LNX1: variants seen among roughly 807,000 people sequenced by gnomAD.
LNX1 encodes ligand of numb-protein X 1.
In LNX1, 54 loss-of-function variants were observed where a neutral mutation model predicts 68.4. The observed-to-expected ratio is 0.79, with a 90% CI of 0.63 to 0.99. LNX1 has a LOEUF of 0.99. Ranked by LOEUF, LNX1 falls within the 50% of genes least tolerant of loss-of-function variation. The pLI is 0.00. For missense variants in LNX1, 906 were observed against 926.4 expected (o/e 0.98, Z 0.29); for synonymous variants, 336 against 350.0 (o/e 0.96, Z 0.45).
Position 53,573,928 on chromosome 4 carries a change from T to A in LNX1, c.75A>T (p.Glu25Asp). 1 of 1,613,754 alleles carries A rather than the reference T, an allele frequency of 6.2e-7. No homozygotes were observed. The highest frequency in any genetic ancestry group is 8.5e-7 in the Non-Finnish European group (1 of 1,179,836). The change falls in exon 2 of 11, where the codon GAA (glutamate) becomes GAT (aspartate). Residue 25 changes from glutamate (E) to aspartate (D), a missense_variant. By Grantham distance (45) the Glu-to-Asp change is conservative. Coordinates refer to ENST00000263925, the MANE Select transcript of LNX1 (RefSeq NM_001126328.3). ...AVCGQAHSLEENHFYSYPEEV... is the reference protein window; with the variant it reads ...AVCGQAHSLEDNHFYSYPEEV... ...CCTCTGGATAGCTGTAGAAGTGGTT[T>A]TCCTCCAAGGAGTGGGCTTGGCCAC...
chr4:53,544,494 T>A (rs529935627), intron 2 of LNX1, among the ~76,000 whole-genome samples: 1 of 152,254 alleles, frequency 6.6e-6, no homozygotes, highest in East Asian at 1.9e-4. Flanking sequence ...ATGTCCGGCC[T>A]GAGAGGTGCT....
At chr4:53,497,104 T>C (rs1490217524) in intron 5 of LNX1, among the ~76,000 whole-genome samples, 1 of 152,228 alleles carries the variant, frequency 6.6e-6, no homozygotes, top group Non-Finnish European at 1.5e-5. Context: ...GGCTCTTTTA[T>C]TGAAAGGCTA....
intron 2 of LNX1, among the ~76,000 whole-genome samples, chr4:53,538,453 G>C (rs1256796779): frequency 1.3e-5 from 2 of 152,162 alleles, no homozygotes; most frequent in Non-Finnish European, 2.9e-5. Context: ...AGGCATGAGG[G>C]GTGGCATGAG....
At chr4:53,612,011 G>A (rs560720682) in intron 2 of LNX1, among the ~76,000 whole-genome samples, 4 of 152,244 alleles carry the variant, frequency 2.6e-5, no homozygotes, top group Admixed American at 1.3e-4. Context: ...TTTATAATAT[G>A]CAAAGATTTG....
At chr4:53,637,094 G>T (rs1444077234) in intron 1 of LNX1, among the ~76,000 whole-genome samples, 2 of 151,896 alleles carry the variant, frequency 1.3e-5, no homozygotes, top group African/African-American at 4.8e-5. Flanking sequence ...ATACAGCATA[G>T]ACAGAAGCAG....
chr4:53,489,101 C>T (rs893754736), intron 6 of LNX1, among the ~76,000 whole-genome samples: 15 of 152,118 alleles, frequency 9.9e-5, no homozygotes, highest in African/African-American at 2.9e-4. Flanking sequence ...AACTTTGGAC[C>T]CCCAGAAAAG....
chr4:53,614,041 T>C (rs945033408), intron 2 of LNX1, among the ~76,000 whole-genome samples: 5 of 152,340 alleles, frequency 3.3e-5, no homozygotes, highest in African/African-American at 1.2e-4. Context: ...TTATTGTGGT[T>C]TTGATTTGCA....
intron 2 of LNX1, among the ~76,000 whole-genome samples, chr4:53,515,068 G>A (rs1485542711): frequency 2.0e-5 from 3 of 152,158 alleles, no homozygotes; most frequent in Non-Finnish European, 4.4e-5. Flanking sequence ...ACAGAGAGAT[G>A]GGAATTAACT....
chr4:53,579,788 T>TA (rs1446477748), intron 1 of LNX1, among the ~76,000 whole-genome samples: 2 of 152,194 alleles, frequency 1.3e-5, no homozygotes, highest in East Asian at 3.9e-4. Flanking sequence ...AGAAAATGGT[T>TA]ATCAGATGTA....
At chr4:53,577,220 A>T (rs1731549867) in intron 1 of LNX1, among the ~76,000 whole-genome samples, 1 of 152,230 alleles carries the variant, frequency 6.6e-6, no homozygotes, top group Non-Finnish European at 1.5e-5. Context: ...GCCATGCAAA[A>T]GATTATCATC....
chr4:53,544,506 ATTTCT>A (rs898402625), intron 2 of LNX1, among the ~76,000 whole-genome samples: 1 of 152,050 alleles, frequency 6.6e-6, no homozygotes, highest in Non-Finnish European at 1.5e-5. Flanking sequence ...AGAGGTGCTG[ATTTCT>A]TTTGTGATGT....
At chr4:53,559,674 G>A (rs529891447) in intron 2 of LNX1, among the ~76,000 whole-genome samples, 1 of 152,116 alleles carries the variant, frequency 6.6e-6, no homozygotes, top group South Asian at 2.1e-4. Flanking sequence ...AGAGATGGGG[G>A]TCTTGCTCTG....
intron 9 of LNX1, among the ~76,000 whole-genome samples, chr4:53,472,808 T>TA (rs1429018707): frequency 6.6e-6 from 1 of 150,924 alleles, no homozygotes; most frequent in Non-Finnish European, 1.5e-5. Context: ...GGAAGGCTGA[T>TA]AAAAGAGATG....
intron 2 of LNX1, among the ~76,000 whole-genome samples, chr4:53,530,039 T>C (rs1228410251): frequency 6.6e-6 from 1 of 152,218 alleles, no homozygotes; most frequent in Non-Finnish European, 1.5e-5. Flanking sequence ...AGAAGTTTGA[T>C]ATGTTTTATC....
chr4:53,546,471 A>G (rs778918450), intron 2 of LNX1, among the ~76,000 whole-genome samples: 1 of 152,150 alleles, frequency 6.6e-6, no homozygotes, highest in Non-Finnish European at 1.5e-5. Flanking sequence ...CTCCAATTTT[A>G]TTGCTTCCTC....
At chr4:53,511,613 G>A (rs751078488) in intron 2 of LNX1, among the ~76,000 whole-genome samples, 5 of 152,154 alleles carry the variant, frequency 3.3e-5, no homozygotes, top group Non-Finnish European at 7.3e-5. Flanking sequence ...AAAGTGAGTA[G>A]AGGTAAATCT....
intron 1 of LNX1, among the ~76,000 whole-genome samples, chr4:53,581,156 C>T (rs561944102): frequency 4.6e-5 from 7 of 152,174 alleles, no homozygotes; most frequent in South Asian, 4.2e-4. Flanking sequence ...ACTGGTCACC[C>T]GGGACCATGA....
At chr4:53,519,661 A>ACACACTCTGG (rs1191514141) in intron 2 of LNX1, among the ~76,000 whole-genome samples, 3 of 151,162 alleles carry the variant, frequency 2.0e-5, no homozygotes, top group Non-Finnish European at 3.0e-5. Flanking sequence ...AAGGTATCTG[A>ACACACTCTGG]CACACACACA....
intron 2 of LNX1, among the ~76,000 whole-genome samples, chr4:53,602,337 G>C (rs1161816672): frequency 6.6e-6 from 1 of 152,176 alleles, no homozygotes; most frequent in Non-Finnish European, 1.5e-5. Flanking sequence ...TGGGAGAGCT[G>C]TCAGACCACC....
Sources: allele counts gnomAD v4.1 joint callset (sites outside exome capture counted in the v4.1 genomes callset), GRCh38; gene constraint gnomAD v4.1.1; transcripts MANE v1.5; gene names NCBI Gene and HGNC (gene_info 2026-07-23, HGNC 2026-07-21).